The following RIMS2 variants were observed in gnomAD, a reference collection of about 807,000 sequenced individuals.
RIMS2 encodes regulating synaptic membrane exocytosis 2.
In RIMS2, 59 loss-of-function variants were observed where a neutral mutation model predicts 174.4. The observed-to-expected ratio is 0.34, with a 90% CI of 0.27 to 0.42. The LOEUF is 0.42. Among genes scored for constraint, RIMS2 ranks in the 10% least tolerant of loss-of-function variants. The pLI, the probability that RIMS2 is intolerant of heterozygous loss-of-function variation, is 1.00. For synonymous variants in RIMS2, 606 were observed against 572.5 expected, an observed-to-expected ratio of 1.06 and a Z score of -0.84; for missense variants, 1,620 against 1,666.3, an observed-to-expected ratio of 0.97 and a Z score of 0.48.
chr8:103,555,969 T>C (rs1439239988), intron 1 of RIMS2, among the ~76,000 whole-genome samples: 2 of 152,092 alleles, frequency 1.3e-5, no homozygotes, highest in South Asian at 2.1e-4. Context: ...ATTTCACTTA[T>C]ATGTGGAATC....
chr8:103,949,671 T>G (rs2023030), intron 14 of RIMS2, among the ~76,000 whole-genome samples: 56,007 of 151,974 alleles, frequency 0.37, 11,150 homozygotes, highest in Non-Finnish European at 0.43. Flanking sequence ...CATTAAAGAC[T>G]TATATTATTA....
At chr8:103,593,294 A>G (rs2094342966) in intron 1 of RIMS2, among the ~76,000 whole-genome samples, 1 of 151,488 alleles carries the variant, frequency 6.6e-6, no homozygotes, top group South Asian at 2.1e-4. Flanking sequence ...TAACATTTAG[A>G]ATATTTGAAG....
At position 103,506,600 on chromosome 8, in the gene RIMS2, A is replaced by G. The variant is rs564089271; in HGVS notation, c.176+5538A>G. On this transcript the variant is annotated intron_variant, in intron 1 of 23. Coordinates refer to ENST00000504942, the Ensembl canonical transcript of RIMS2. ...ATTGTTATAGACTAAGTATCCTGGC[A>G]TAAGTAGTGGTGCAATAAATAATCA... Among the ~76,000 whole-genome samples, 96 of 152,304 alleles carry G rather than the reference A, an allele frequency of 6.3e-4. 1 individual carries two copies. Among genetic ancestry groups the G allele is most frequent in the Non-Finnish European group, 1.2e-3 (79 of 67,976 alleles).
chr8:103,545,452 T>A (rs1270876908), intron 1 of RIMS2, among the ~76,000 whole-genome samples: 3 of 152,214 alleles, frequency 2.0e-5, no homozygotes, highest in Non-Finnish European at 4.4e-5. Flanking sequence ...GAAAACATAT[T>A]TGAGGCTATC....
intron 19 of RIMS2, among the ~76,000 whole-genome samples, chr8:104,113,598 C>T (rs1489464941): frequency 6.6e-6 from 1 of 151,884 alleles, no homozygotes; most frequent in African/African-American, 2.4e-5. Context: ...AGAATTGCAT[C>T]AGGGACTATC....
chr8:103,677,023 AT>A (rs1333557523), intron 1 of RIMS2, among the ~76,000 whole-genome samples: 1 of 152,174 alleles, frequency 6.6e-6, no homozygotes, highest in Non-Finnish European at 1.5e-5. Flanking sequence ...AGTGTCATTC[AT>A]TTGGAATGTT....
chr8:103,816,217 A>C (rs1455908164), intron 3 of RIMS2, among the ~76,000 whole-genome samples: 1 of 152,214 alleles, frequency 6.6e-6, no homozygotes, highest in Non-Finnish European at 1.5e-5. Flanking sequence ...CCCTTATAGA[A>C]GATGATGTGG....
intron 17 of RIMS2, among the ~76,000 whole-genome samples, chr8:103,994,359 T>C (rs777811370): frequency 6.6e-6 from 1 of 152,204 alleles, no homozygotes; most frequent in Non-Finnish European, 1.5e-5. Flanking sequence ...CCTTAGAATC[T>C]ATGACTTCTT....
intron 6 of RIMS2, among the ~76,000 whole-genome samples, chr8:103,913,221 G>A (rs1431301583): frequency 1.3e-5 from 2 of 151,018 alleles, no homozygotes; most frequent in South Asian, 2.1e-4. Context: ...CTTGTGATCC[G>A]CCCACCATGA....
At chr8:104,228,042 T>TTTTTC (rs1554644487) in intron 19 of RIMS2, among the ~76,000 whole-genome samples, 13 of 146,972 alleles carry the variant, frequency 8.8e-5, no homozygotes, top group African/African-American at 1.3e-4. Flanking sequence ...TTTTTTTTTT[T>TTTTTC]CTTTGAGACA....
chr8:103,555,875 C>T (rs1195548517), intron 1 of RIMS2, among the ~76,000 whole-genome samples: 1 of 151,482 alleles, frequency 6.6e-6, no homozygotes, highest in Non-Finnish European at 1.5e-5. Flanking sequence ...GAAGGAAATC[C>T]TATCATATGC....
chr8:103,636,971 C>T lies in RIMS2; in HGVS notation c.177-60115C>T, dbSNP rs77136639. ...ACGAAGGATTCAAGCTTGTTTAGTT[C>T]TGATTGGCCAAGATAGTTGAGCCCT... On this transcript the variant is annotated intron_variant, in intron 1 of 23. Coordinates refer to ENST00000504942, the Ensembl canonical transcript of RIMS2. Among the ~76,000 whole-genome samples the T allele has an allele frequency of 7.3e-3, 1,111 of 152,238 alleles. 21 individuals are homozygous for T. Among genetic ancestry groups the T allele is most frequent in the African/African-American group, 0.025 (1,033 of 41,544 alleles).
At chr8:103,854,193 G>T (rs891664761) in intron 3 of RIMS2, among the ~76,000 whole-genome samples, 3 of 151,986 alleles carry the variant, frequency 2.0e-5, no homozygotes, top group African/African-American at 7.2e-5. Context: ...GACATTATTG[G>T]TGTATAGAAA....
chr8:103,856,228 C>G (rs1429868294), intron 3 of RIMS2, among the ~76,000 whole-genome samples: 1 of 152,038 alleles, frequency 6.6e-6, no homozygotes. Context: ...ATTTTGTTTT[C>G]CATTTGGGTG....
chr8:104,080,928 T>G (rs2097405383), intron 19 of RIMS2, among the ~76,000 whole-genome samples: 1 of 152,044 alleles, frequency 6.6e-6, no homozygotes, highest in African/African-American at 2.4e-5. Context: ...GGAAGGGACT[T>G]TGGTGATAAC....
chr8:104,202,400 T>G (rs1329134207), intron 19 of RIMS2, among the ~76,000 whole-genome samples: 1 of 152,212 alleles, frequency 6.6e-6, no homozygotes, highest in Non-Finnish European at 1.5e-5. Flanking sequence ...TCCTTAAAGT[T>G]TTTAAAAGAG....
chr8:103,885,904 C>A (rs761349560), exon 4 of RIMS2: 2 of 1,612,394 alleles, frequency 1.2e-6, no homozygotes, highest in Non-Finnish European at 1.7e-6. Context: ...GTCCTCCTAC[C>A]CCCAGGAGGA....
intron 1 of RIMS2, among the ~76,000 whole-genome samples, chr8:103,527,291 T>G (rs1834518656): frequency 6.6e-6 from 1 of 152,208 alleles, no homozygotes; most frequent in Admixed American, 6.5e-5. Flanking sequence ...CAAGACCCCT[T>G]GCAGATACCC....
chr8:104,173,920 G>GATTT (rs71297263), intron 19 of RIMS2, among the ~76,000 whole-genome samples: 55,928 of 138,670 alleles, frequency 0.4, 11,616 homozygotes, highest in African/African-American at 0.46. Context: ...AATGTTAAAG[G>GATTT]ATTTATTTAT....
Sources: gnomAD v4.1 joint callset for allele counts (sites outside exome capture counted in the v4.1 genomes callset) on GRCh38, gnomAD v4.1.1 for gene constraint, MANE v1.5 for transcripts, NCBI Gene and HGNC (gene_info 2026-07-23, HGNC 2026-07-21) for gene names.